ZMYM5: variants seen among roughly 807,000 people sequenced by gnomAD.
The protein encoded by ZMYM5 is zinc finger MYM-type containing 5, also known as zinc finger MYM-type protein 5.
In ZMYM5, 41 loss-of-function variants were observed where a neutral mutation model predicts 61.8. The observed-to-expected ratio is 0.66, with a 90% confidence interval of 0.52 to 0.86. The LOEUF is 0.86. Ranked by LOEUF, ZMYM5 falls within the 40% of genes least tolerant of loss-of-function variation. The probability of loss-of-function intolerance (pLI) is 0.00; values close to 1 mark genes in which losing one functional copy is unlikely to be tolerated. For synonymous variants in ZMYM5, 257 were observed against 276.4 expected (o/e 0.93, Z 0.70); for missense variants, 706 against 786.7 (o/e 0.90, Z 1.23).
At chr13:19,846,797 T>G (rs1216142300) in intron 4 of ZMYM5, among the ~76,000 whole-genome samples, 1 of 151,676 alleles carries the variant, frequency 6.6e-6, no homozygotes, top group Non-Finnish European at 1.5e-5. Context: ...TGTTATGGCA[T>G]GCACTTGTAG....
At chr13:19,847,332 A>G (rs1324870324) in intron 4 of ZMYM5, among the ~76,000 whole-genome samples, 2 of 152,188 alleles carry the variant, frequency 1.3e-5, no homozygotes, top group African/African-American at 4.8e-5. Context: ...TGCTGCATCA[A>G]AAGAAAACTA....
chr13:19,830,832 AC>A (rs1422840433), intron 7 of ZMYM5, among the ~76,000 whole-genome samples: 1 of 141,636 alleles, frequency 7.1e-6, no homozygotes. Flanking sequence ...TTTATGAGTT[AC>A]TTTTTCTTTT....
At chr13:19,863,406 A>AGCCTCCGGAGGCTGCTCTCACCCATCTCC (rs1953854394) in intron 1 of ZMYM5, 44 bp downstream of exon 1, 2 of 151,386 alleles carry the variant, frequency 1.3e-5, no homozygotes, top group African/African-American at 4.9e-5. Flanking sequence ...GGTCGGTGGG[A>AGCCTCCGGAGGCTGCTCTCACCCATCTCC]GCCTCCGGAG....
intron 5 of ZMYM5, 60 bp from the exon 6 acceptor site, chr13:19,837,881 ATATT>A: frequency 6.7e-7 from 1 of 1,489,908 alleles, no homozygotes; most frequent in Non-Finnish European, 9.0e-7. Context: ...CAAGTCAAAT[ATATT>A]AATAATAATT....
intron 2 of ZMYM5, among the ~76,000 whole-genome samples, chr13:19,858,616 G>A (rs1220210858): frequency 3.5e-5 from 5 of 140,910 alleles, no homozygotes; most frequent in South Asian, 2.4e-4. Context: ...AAAGATGGCC[G>A]ATTGATCACA....
intron 7 of ZMYM5, among the ~76,000 whole-genome samples, chr13:19,831,247 C>G (rs1451901259): frequency 6.6e-6 from 1 of 151,732 alleles, no homozygotes; most frequent in Non-Finnish European, 1.5e-5. Context: ...TCACCTCAGG[C>G]TCCCAAACAG....
chr13:19,860,885 G>A (rs111658003), intron 2 of ZMYM5, among the ~76,000 whole-genome samples: 41 of 129,382 alleles, frequency 3.2e-4, no homozygotes, highest in African/African-American at 8.7e-4. Flanking sequence ...TATCTCAGGT[G>A]GGGGGGGGGG....
At chr13:19,828,694 G>A (rs1414636931) in intron 7 of ZMYM5, among the ~76,000 whole-genome samples, 3 of 152,172 alleles carry the variant, frequency 2.0e-5, no homozygotes, top group Non-Finnish European at 4.4e-5. Context: ...GTAGAGATAG[G>A]AGTTGAGAAG....
chr13:19,843,017 T>C (rs1223290206), intron 4 of ZMYM5, among the ~76,000 whole-genome samples: 1 of 150,548 alleles, frequency 6.6e-6, no homozygotes, highest in African/African-American at 2.4e-5. Flanking sequence ...AGTTTCGCTA[T>C]GTTGCCCAGT....
rs532188166 is a variant in ZMYM5, at chr13:19,840,795, AG to A, written c.587-1811del. ...GGGTTCATGCCATTCTCCTACCTCA[AG>A]CCTCCTGAGTAGCTGGGACTACAAG... On this transcript the variant is annotated intron_variant, in intron 4 of 7. Transcript: ENST00000337963. 3.8e-3 allele frequency among the ~76,000 whole-genome samples: 583 copies of A among 151,772 alleles called. 2 individuals are homozygous for A. The highest frequency in any genetic ancestry group is 0.01 in the Middle Eastern group (3 of 292).
In ZMYM5 at chr13:19,838,769, C is replaced by A. The variant is rs777431426; in HGVS notation, c.803G>T (p.Cys268Phe). Residue 268 changes from cysteine to phenylalanine, a missense_variant, in exon 5 of 8, where the codon TGC becomes TTC. Coordinates refer to ENST00000337963, the MANE Select transcript of ZMYM5 (RefSeq NM_001142684.2). ...YQRKGSAHLF[C>F]STTCLSSFSH... Reference sequence around the variant, plus strand: ...GAAGGAAGAAAGGCAGGTGGTAGAGCAAAAGAGGTGAGCTGATCCTTTTCG... The same window carrying A: ...GAAGGAAGAAAGGCAGGTGGTAGAGAAAAAGAGGTGAGCTGATCCTTTTCG... 2.5e-6 allele frequency: 4 copies of A among 1,614,074 alleles called. No homozygotes were observed. The highest frequency in any genetic ancestry group is 3.4e-6 in the Non-Finnish European group (4 of 1,180,052).
chr13:19,858,585 CAAAAA>C (rs34468029), intron 2 of ZMYM5, among the ~76,000 whole-genome samples: 1 of 85,314 alleles, frequency 1.2e-5, no homozygotes, highest in Non-Finnish European at 2.1e-5. Context: ...GACGCTGTTT[CAAAAA>C]AAAAAAAAAA....
intron 7 of ZMYM5, among the ~76,000 whole-genome samples, chr13:19,826,334 A>G (rs1890914241): frequency 6.6e-6 from 1 of 152,142 alleles, no homozygotes; most frequent in South Asian, 2.1e-4. Context: ...CCTGGGCAAC[A>G]GTGCGAGACT....
intron 2 of ZMYM5, among the ~76,000 whole-genome samples, chr13:19,860,278 A>G (rs1350717959): frequency 6.7e-6 from 1 of 148,852 alleles, no homozygotes; most frequent in African/African-American, 2.5e-5. Flanking sequence ...GGCACCCACC[A>G]GCACACCCGT....
At chr13:19,843,348 G>C (rs1952949398) in intron 4 of ZMYM5, 1 of 103,142 alleles carries the variant, frequency 9.7e-6, no homozygotes, top group African/African-American at 3.8e-5. Context: ...AGTGAGCCGA[G>C]ATTGCGCCAC....
chr13:19,854,703 T>C (rs1953442646), intron 2 of ZMYM5, among the ~76,000 whole-genome samples: 1 of 151,776 alleles, frequency 6.6e-6, no homozygotes, highest in Admixed American at 6.6e-5. Flanking sequence ...ATTCTTAATA[T>C]GTATTATGCT....
intron 7 of ZMYM5, among the ~76,000 whole-genome samples, chr13:19,827,656 T>C (rs1474454633): frequency 2.0e-5 from 3 of 152,140 alleles, no homozygotes; most frequent in African/African-American, 7.2e-5. Flanking sequence ...TACTGAAATA[T>C]GTTGTAATAA....
intron 7 of ZMYM5, among the ~76,000 whole-genome samples, chr13:19,830,902 T>C (rs1164428437): frequency 6.8e-6 from 1 of 147,784 alleles, no homozygotes. Flanking sequence ...TGCAGTGGCA[T>C]GATCTCGGCT....
rs1890803960 is a variant in ZMYM5 at position 19,824,381 on chromosome 13, G to A, written c.*96C>T. The A allele has an allele frequency of 9.3e-7, 1 of 1,079,444 alleles. No homozygotes were observed. The allele number at this position is 1,079,444 out of a possible 1,614,324, so 66.9% of individuals were successfully genotyped here. A position where few individuals can be genotyped will look rare whatever the true frequency, so the allele number is the denominator to read the frequency against. On this transcript the variant is annotated 3_prime_UTR_variant, in exon 8 of 8. Coordinates refer to ENST00000337963, the MANE Select transcript of ZMYM5 (RefSeq NM_001142684.2). ...AACTGCTGCAAGTTACTCTGTAGAG[G>A]AGACTTACAACACAATAGTACTGAC...
Sources: allele counts gnomAD v4.1 joint callset (sites outside exome capture counted in the v4.1 genomes callset), GRCh38; gene constraint gnomAD v4.1.1; transcripts MANE v1.5; gene names NCBI Gene and HGNC (gene_info 2026-07-23, HGNC 2026-07-21).